Variants in FSTL4 observed in about 807,000 individuals in gnomAD.
FSTL4 encodes follistatin-related protein 4.
FSTL4 carries 28 observed loss-of-function variants against 78.2 expected under a neutral mutation model. The observed-to-expected ratio is 0.36, with a 90% confidence interval of 0.27 to 0.49. The LOEUF (loss-of-function observed/expected upper bound fraction) is 0.49, where lower values mean the gene tolerates loss of function less well. Among genes scored for constraint, FSTL4 ranks in the 20% least tolerant of loss-of-function variants. The pLI is 0.98. For missense variants in FSTL4, 922 were observed against 1,084.9 expected (o/e 0.85, Z 2.11); for synonymous variants, 422 against 440.5 (o/e 0.96, Z 0.53).
the FSTL4 span, among the ~76,000 whole-genome samples, chr5:133,787,887 C>CT: frequency 6.6e-6 from 1 of 152,264 alleles, no homozygotes; most frequent in African/African-American, 2.4e-5. Flanking sequence ...CTGGCCTGCC[C>CT]TTAGACTATA....
chr5:133,730,894 G>A, the FSTL4 span, among the ~76,000 whole-genome samples: 2 of 152,230 alleles, frequency 1.3e-5, no homozygotes, highest in Admixed American at 1.3e-4. Flanking sequence ...CAAGAATGGG[G>A]TGCTTAATGC....
At chr5:133,268,774 A>G (rs115437226) in intron 6 of FSTL4, among the ~76,000 whole-genome samples, 225 of 152,352 alleles carry the variant, frequency 1.5e-3, no homozygotes, top group African/African-American at 5.2e-3. Flanking sequence ...ATGTGCAAAG[A>G]TATCTGTGAC....
At chr5:133,304,655 C>A (rs1028642493) in intron 6 of FSTL4, among the ~76,000 whole-genome samples, 6 of 152,200 alleles carry the variant, frequency 3.9e-5, no homozygotes, top group African/African-American at 1.2e-4. Context: ...CAGCTCCAGA[C>A]AATGACTAGA....
intron 2 of FSTL4, among the ~76,000 whole-genome samples, chr5:133,582,102 A>G (rs1472057496): frequency 6.6e-6 from 1 of 152,192 alleles, no homozygotes; most frequent in Non-Finnish European, 1.5e-5. Context: ...GAGCCAGAGG[A>G]TGGCTTGGGC....
At chr5:133,465,378 A>G (rs759494207) in intron 3 of FSTL4, among the ~76,000 whole-genome samples, 2 of 152,248 alleles carry the variant, frequency 1.3e-5, no homozygotes, top group African/African-American at 2.4e-5. Context: ...TGCCACAGAA[A>G]TATGAACAGG....
the FSTL4 span, among the ~76,000 whole-genome samples, chr5:133,792,997 C>T: frequency 2.1e-3 from 326 of 152,288 alleles, 1 homozygote; most frequent in Non-Finnish European, 3.0e-3. Flanking sequence ...CTGGCTCTGG[C>T]GGGTAGATCT....
intron 3 of FSTL4, among the ~76,000 whole-genome samples, chr5:133,549,918 CT>C (rs1355479098): frequency 2.0e-5 from 3 of 152,168 alleles, no homozygotes; most frequent in African/African-American, 7.2e-5. Context: ...TTATTTCATC[CT>C]TACACTAGAG....
chr5:133,730,649 C>G, the FSTL4 span, among the ~76,000 whole-genome samples: 1 of 152,172 alleles, frequency 6.6e-6, no homozygotes. Context: ...ATGGCCAGGC[C>G]CAGATGGTTG....
At position 133,458,272 on chromosome 5, in the gene FSTL4, G is replaced by A. The variant is rs551124403; in HGVS notation, c.161-57286C>T. 2.6e-5 allele frequency: 4 copies of A among 152,214 alleles called. No homozygotes were observed. The South Asian group carries it at 6.2e-4, about 24-fold the overall frequency. 9.4% of individuals were successfully genotyped at this position (152,214 alleles called of 1,614,324 possible). On this transcript the variant is annotated intron_variant, in intron 3 of 15. Coordinates refer to ENST00000265342, the MANE Select transcript of FSTL4 (RefSeq NM_015082.2). ...ATCACCATCTGTGTTTCATTTCTTTGGGCCTGCTCAAGAAAAAAGTTATTT... is the reference window on the plus strand; with the variant it reads ...ATCACCATCTGTGTTTCATTTCTTTAGGCCTGCTCAAGAAAAAAGTTATTT...
chr5:133,514,002 C>A (rs1758795765), intron 3 of FSTL4, among the ~76,000 whole-genome samples: 1 of 151,982 alleles, frequency 6.6e-6, no homozygotes, highest in African/African-American at 2.4e-5. Context: ...CACGGTGAAA[C>A]CCCGTCTCTA....
chr5:133,316,477 G>A lies in FSTL4; in HGVS notation c.585C>T (p.Ser195=), dbSNP rs751294373. The change falls in exon 5 of 16, where the codon AGC becomes AGT. Residue 195 remains serine (S), a synonymous_variant. Coordinates refer to ENST00000265342, the MANE Select transcript of FSTL4 (RefSeq NM_015082.2). ...DLDADGNGHL[S]SSELAQHVLK... ...TGCCCACCTGAGCCAGTTCGGAGCT[G>A]CTGAGGTGGCCATTGCCATCTGCAT... is the stretch of plus-strand genomic sequence containing the variant. 1.0e-4 allele frequency: 167 copies of A among 1,613,804 alleles called. 3 individuals are homozygous for A. In the South Asian group the frequency reaches 1.8e-3, roughly 17 times the overall value.
chr5:133,750,951 A>G, the FSTL4 span, among the ~76,000 whole-genome samples: 1 of 151,594 alleles, frequency 6.6e-6, no homozygotes, highest in Non-Finnish European at 1.5e-5. Context: ...CCCACCCAGT[A>G]CTCCAGTGGG....
chr5:133,669,194 C>G, the FSTL4 span, among the ~76,000 whole-genome samples: 1 of 152,322 alleles, frequency 6.6e-6, no homozygotes, highest in East Asian at 1.9e-4. Flanking sequence ...AGGTTCTTCC[C>G]TGGCTTCTCT....
At chr5:133,454,297 A>T (rs1757440426) in intron 3 of FSTL4, among the ~76,000 whole-genome samples, 1 of 152,284 alleles carries the variant, frequency 6.6e-6, no homozygotes, top group Admixed American at 6.5e-5. Flanking sequence ...AGTTTGGTGA[A>T]AATCTGAGTA....
intron 14 of FSTL4, chr5:133,209,798 A>G (rs770826603): frequency 3.7e-5 from 7 of 190,432 alleles, no homozygotes; most frequent in Non-Finnish European, 6.6e-5. Context: ...TTACAGATAT[A>G]ATTGCTGCTG....
At chr5:133,767,351 A>C in the FSTL4 span, among the ~76,000 whole-genome samples, 5 of 152,208 alleles carry the variant, frequency 3.3e-5, no homozygotes, top group African/African-American at 1.2e-4. Flanking sequence ...GCTATGCCAG[A>C]GAGCCCTCAG....
the FSTL4 span, among the ~76,000 whole-genome samples, chr5:133,687,951 T>C: frequency 1.3e-5 from 2 of 152,198 alleles, no homozygotes; most frequent in Non-Finnish European, 2.9e-5. Flanking sequence ...CCACTATGTT[T>C]GCATTCCTGA....
intron 6 of FSTL4, among the ~76,000 whole-genome samples, chr5:133,293,918 C>T (rs906736375): frequency 6.6e-6 from 1 of 152,172 alleles, no homozygotes; most frequent in African/African-American, 2.4e-5. Context: ...TAATCCCTCC[C>T]TCCTGCATCA....
chr5:133,680,636 A>G, the FSTL4 span, among the ~76,000 whole-genome samples: 1 of 152,210 alleles, frequency 6.6e-6, no homozygotes, highest in Non-Finnish European at 1.5e-5. Context: ...TGTCCTCAAT[A>G]CACACCTGCC....
Sources: gnomAD v4.1 joint callset for allele counts (sites outside exome capture counted in the v4.1 genomes callset) on GRCh38, gnomAD v4.1.1 for gene constraint, MANE v1.5 for transcripts, NCBI Gene and HGNC (gene_info 2026-07-23, HGNC 2026-07-21) for gene names.